The following BRD8 variants were observed in gnomAD, a reference collection of about 807,000 sequenced individuals.
The protein encoded by BRD8 is bromodomain-containing protein 8.
BRD8 carries 67 observed loss-of-function variants against 143.1 expected under a neutral mutation model. That is an observed-to-expected ratio of 0.47 (90% CI 0.38 to 0.57). The LOEUF (loss-of-function observed/expected upper bound fraction) is 0.57. Among genes scored for constraint, BRD8 ranks in the 20% least tolerant of loss-of-function variants. The probability of loss-of-function intolerance (pLI) is 0.00; values close to 1 mark genes in which losing one functional copy is unlikely to be tolerated. For missense variants in BRD8, 1,103 were observed against 1,503.0 expected, an observed-to-expected ratio of 0.73 and a Z score of 4.40; for synonymous variants, 505 against 517.1, an observed-to-expected ratio of 0.98 and a Z score of 0.32.
At chr5:138,156,907 T>C in intron 20 of BRD8, 1 of 1,175,850 alleles carries the variant, frequency 8.5e-7, no homozygotes, top group Non-Finnish European at 1.1e-6. Context: ...CAGTTTATTG[T>C]ATACACACAC....
chr5:138,163,971 C>T, intron 14 of BRD8, 116 bp downstream of exon 14: 1 of 1,270,002 alleles, frequency 7.9e-7, no homozygotes, highest in African/African-American at 1.5e-5. Context: ...CCATGCAACT[C>T]CATACCAGTC....
At chr5:138,156,647 G>C (rs1752613611) in intron 20 of BRD8, among the ~76,000 whole-genome samples, 2 of 152,044 alleles carry the variant, frequency 1.3e-5, no homozygotes, top group South Asian at 4.1e-4. Context: ...AAACATTCAA[G>C]AAAATCTGAG....
At chr5:138,170,267 T>C (rs1753758059) in intron 7 of BRD8, 78 bp downstream of exon 7, 1 of 1,014,504 alleles carries the variant, frequency 9.9e-7, no homozygotes, top group Non-Finnish European at 1.6e-6. Flanking sequence ...GTATTCTATG[T>C]TACAAAACAG....
intron 10 of BRD8, 183 bp downstream of exon 10, chr5:138,166,335 T>A: frequency 3.2e-6 from 2 of 617,584 alleles, no homozygotes; most frequent in Non-Finnish European, 5.7e-6. Flanking sequence ...CTGCAATACA[T>A]AAATGCCCAC....
At chr5:138,175,163 C>T (rs561709071) in intron 2 of BRD8, among the ~76,000 whole-genome samples, 13 of 152,264 alleles carry the variant, frequency 8.5e-5, no homozygotes, top group African/African-American at 2.4e-4. Context: ...GGATTACAGG[C>T]GTGAGCCACT....
chr5:138,166,118 A>G lies in BRD8; in HGVS notation c.998-10T>C. 1 of 1,604,362 alleles carries G rather than the reference A, an allele frequency of 6.2e-7. No individual in the cohort carries two copies. The highest frequency in any genetic ancestry group is 1.7e-5 in the Admixed American group (1 of 59,774). On this transcript the variant is annotated splice_polypyrimidine_tract_variant and intron_variant, in intron 10 of 26. Transcript: ENST00000254900. ...TTGTCGGGTTGACTCACTGAGTAAC[A>G]GAAAGAGAAAAGCATCTCAGAAGCT...
At chr5:138,167,812 A>T (rs1753559032) in intron 9 of BRD8, 122 bp downstream of exon 9, 1 of 837,000 alleles carries the variant, frequency 1.2e-6, no homozygotes, top group Admixed American at 2.1e-5. Context: ...GCTCCAAAAA[A>T]AAGTTAGAAA....
In BRD8 at chr5:138,140,839, G is replaced by C; in HGVS notation, c.3481C>G (p.Arg1161Gly). The C allele has an allele frequency of 2.5e-6, 4 of 1,614,180 alleles. No individual in the cohort carries two copies. In the South Asian group the frequency reaches 4.4e-5, roughly 18 times the overall value. Reference protein sequence around the residue: ...TSLKRNLSKGRIRTMAQFLRD... With the variant: ...TSLKRNLSKGGIRTMAQFLRD... ...AGGAATTGGGCCATGGTGCGAATCCGACCCTTAGAGAGATTTCTCTTCAGG... is the reference window on the plus strand; with the variant it reads ...AGGAATTGGGCCATGGTGCGAATCCCACCCTTAGAGAGATTTCTCTTCAGG... The change falls in exon 26 of 27, where the codon CGG (arginine) becomes GGG (glycine). Residue 1161 changes from arginine (R) to glycine (G), a missense_variant. This residue lies in a region of BRD8 where 369 missense variants were observed against 445.5 expected (regional missense o/e 0.83). Coordinates refer to ENST00000254900, the MANE Select transcript of BRD8 (RefSeq NM_139199.2).
At chr5:138,142,692 G>A (rs1233983202) in intron 25 of BRD8, among the ~76,000 whole-genome samples, 2 of 150,510 alleles carry the variant, frequency 1.3e-5, no homozygotes, top group Admixed American at 6.7e-5. Context: ...GAACCCGGGA[G>A]GCGGAGGTTG....
Position 138,145,181 on chromosome 5 carries a change from T to G in BRD8, c.3433A>C (p.Lys1145Gln), listed in dbSNP as rs1319208161. ...CTTGACCCCTTTTTCACTGACCTTTTCACCACATCCTTGTACCCTGGGGCC... is the reference window on the plus strand; with the variant it reads ...CTTGACCCCTTTTTCACTGACCTTTGCACCACATCCTTGTACCCTGGGGCC... ...RQAPGYKDVV[K>Q]RPMDLTSLKR... The change falls in exon 25 of 27, where the codon AAA (lysine) becomes CAA (glutamine). Residue 1145 changes from lysine (K) to glutamine (Q), a missense_variant. Coordinates refer to ENST00000254900, the MANE Select transcript of BRD8 (RefSeq NM_139199.2). The G allele has an allele frequency of 6.2e-7, 1 of 1,613,130 alleles. No homozygotes were observed. Among genetic ancestry groups the G allele is most frequent in the East Asian group, 2.2e-5 (1 of 44,852 alleles).
chr5:138,175,556 T>C (rs1754252510), intron 2 of BRD8, among the ~76,000 whole-genome samples: 1 of 149,372 alleles, frequency 6.7e-6, no homozygotes, highest in South Asian at 2.1e-4. Context: ...ACACAAAAAA[T>C]TAGTCAAGCA....
At position 138,149,792 on chromosome 5, in the gene BRD8, C is replaced by A; in HGVS notation, c.3126G>T (p.Glu1042Asp). 1 of 1,600,496 alleles carries A rather than the reference C, an allele frequency of 6.2e-7. No homozygotes were observed. Among genetic ancestry groups the A allele is most frequent in the Non-Finnish European group, 8.5e-7 (1 of 1,176,028 alleles). ...QGLLTESEEG[E>D]AQQESKGEDQ... ...CCTCCCCTTTGGATTCTTGCTGAGC[C>A]TCCCCCTAGGAATGCCAGGAAACAG... Residue 1042 changes from glutamate to aspartate, a missense_variant, in exon 23 of 27, where the codon GAG (glutamate) becomes GAT (aspartate). Physicochemically the swap from Glu to Asp is conservative, Grantham distance 45. This residue lies in a region of BRD8 where 369 missense variants were observed against 445.5 expected (regional missense o/e 0.83). Coordinates refer to ENST00000254900, the MANE Select transcript of BRD8 (RefSeq NM_139199.2).
chr5:138,171,981 T>C (rs1753898736), intron 3 of BRD8, 84 bp downstream of exon 3: 1 of 1,002,538 alleles, frequency 1.0e-6, no homozygotes, highest in South Asian at 1.3e-5. Flanking sequence ...TATAAAAGCT[T>C]TGTAACTAAA....
At chr5:138,145,096 A>C (rs1752095410) in intron 25 of BRD8, 81 bp downstream of exon 25, 1 of 1,401,996 alleles carries the variant, frequency 7.1e-7, no homozygotes, top group Non-Finnish European at 9.9e-7. Context: ...AAGTTATAAA[A>C]ATAATCTAAC....
chr5:138,169,887 A>G (rs1753731090), intron 7 of BRD8, among the ~76,000 whole-genome samples: 1 of 152,220 alleles, frequency 6.6e-6, no homozygotes, highest in African/African-American at 2.4e-5. Context: ...TGAACCCGCG[A>G]GGCGGAGGTT....
At chr5:138,176,197 TAA>T (rs1754321384) in intron 2 of BRD8, among the ~76,000 whole-genome samples, 1 of 151,744 alleles carries the variant, frequency 6.6e-6, no homozygotes, top group African/African-American at 2.4e-5. Flanking sequence ...GAATGAACCT[TAA>T]AAAGTGTTAT....
intron 13 of BRD8, 91 bp from the exon 14 acceptor site, chr5:138,164,224 G>A: frequency 2.5e-6 from 4 of 1,572,786 alleles, no homozygotes; most frequent in Non-Finnish European, 2.6e-6. Context: ...TCCTTTACAT[G>A]CTGACCTGTT....
rs181168209 is a variant in BRD8, at chr5:138,166,257, C to T, written c.998-149G>A. On this transcript the variant is annotated intron_variant, in intron 10 of 26. Transcript: ENST00000254900. ...CAACATGTGCCTATGTTTTCTTCTC[C>T]CCAGTTTTATCTAGAAAGGTGAGAA... is the stretch of plus-strand genomic sequence containing the variant. 7.5e-6 allele frequency: 5 copies of T among 666,912 alleles called. No homozygotes were observed. The East Asian group carries it at 1.3e-4, about 17-fold the overall frequency. 41.3% of individuals were successfully genotyped at this position (666,912 alleles called of 1,614,324 possible). A position where few individuals can be genotyped will look rare whatever the true frequency, so the allele number is the denominator to read the frequency against.
chr5:138,163,174 G>A lies in BRD8; in HGVS notation c.2043C>T (p.His681=). Residue 681 remains histidine (H), a synonymous_variant, in exon 15 of 27, where the codon CAC becomes CAT. Transcript: ENST00000254900. ...FSIHNATLQS[H]TLADSIPSSP... ...TGCTGGGGATGGAGTCTGCCAGTGT[G>A]TGTGACTGCAGTGTAGCATTGTGTA... The A allele has an allele frequency of 6.2e-7, 1 of 1,614,182 alleles. No homozygotes were observed. The highest frequency in any genetic ancestry group is 8.5e-7 in the Non-Finnish European group (1 of 1,180,042).
Sources: allele counts gnomAD v4.1 joint callset (sites outside exome capture counted in the v4.1 genomes callset), GRCh38; gene constraint gnomAD v4.1.1; regional missense constraint gnomAD v4.1.1; transcripts MANE v1.5; gene names NCBI Gene and HGNC (gene_info 2026-07-23, HGNC 2026-07-21).